Variants in MYO9B observed in about 807,000 individuals in gnomAD.
MYO9B encodes the protein unconventional myosin-IXb.
In MYO9B, 71 loss-of-function variants were observed where a neutral mutation model predicts 229.5. The ratio of observed to expected loss-of-function variants is 0.31; its 90% CI spans 0.26 to 0.38. The LOEUF is 0.38. MYO9B is among the 10% of genes least tolerant of loss of function. MYO9B has a pLI of 1.00. For synonymous variants in MYO9B, 1,185 were observed against 1,235.8 expected (o/e 0.96, Z 0.86); for missense variants, 2,255 against 2,920.5 (o/e 0.77, Z 5.25).
chr19:17,204,023 C>T (rs1444643192), intron 30 of MYO9B, among the ~76,000 whole-genome samples: 1 of 152,080 alleles, frequency 6.6e-6, no homozygotes, highest in Admixed American at 6.6e-5. Context: ...CCAGCAGGGT[C>T]AAGAGGGCCT....
At chr19:17,154,446 C>G (rs756243730) in intron 6 of MYO9B, 31 bp downstream of exon 6, 10 of 1,567,274 alleles carry the variant, frequency 6.4e-6, no homozygotes, top group Non-Finnish European at 8.7e-6. Context: ...GGCCTGTCCC[C>G]CAGAGCCTAC....
chr19:17,184,678 G>A, intron 16 of MYO9B, 187 bp from the exon 17 acceptor site: 1 of 669,314 alleles, frequency 1.5e-6, no homozygotes. Context: ...TGTGTGCAAG[G>A]TGCAAACCCA....
chr19:17,139,847 G>A (rs1202388824), intron 2 of MYO9B, among the ~76,000 whole-genome samples: 1 of 152,126 alleles, frequency 6.6e-6, no homozygotes, highest in Non-Finnish European at 1.5e-5. Context: ...TTCGAGACCA[G>A]CCTGACCAAC....
At chr19:17,091,451 A>G (rs1168235079) in intron 1 of MYO9B, among the ~76,000 whole-genome samples, 5 of 152,364 alleles carry the variant, frequency 3.3e-5, no homozygotes, top group Admixed American at 2.0e-4. Flanking sequence ...TCACACCTGT[A>G]ATCCCAGCAC....
intron 31 of MYO9B, 92 bp from the exon 32 acceptor site, chr19:17,205,868 C>T: frequency 1.6e-6 from 2 of 1,267,072 alleles, no homozygotes; most frequent in Non-Finnish European, 2.1e-6. Context: ...GCCCTGAGGG[C>T]CTTGTGCGGG....
intron 3 of MYO9B, among the ~76,000 whole-genome samples, chr19:17,152,010 A>T (rs924199765): frequency 1.3e-5 from 2 of 152,052 alleles, no homozygotes; most frequent in African/African-American, 4.8e-5. Context: ...CAACATGGAG[A>T]AACCCCGTCT....
chr19:17,130,822 C>T (rs2072187482), intron 2 of MYO9B, among the ~76,000 whole-genome samples: 1 of 151,972 alleles, frequency 6.6e-6, no homozygotes, highest in Non-Finnish European at 1.5e-5. Context: ...ACGTTCAACC[C>T]TGGATGTCTC....
In MYO9B at chr19:17,200,629, C is replaced by A. The variant is rs770859721; in HGVS notation, c.4373-10C>A. ...CCCACCCTCACCGGCTGCTTCCTGT[C>A]CCCCCTCAGCCCCCTCCGGACAGCA... is the stretch of plus-strand genomic sequence containing the variant. On this transcript the variant is annotated splice_polypyrimidine_tract_variant and intron_variant, in intron 25 of 39. Coordinates refer to ENST00000682292, the MANE Select transcript of MYO9B (RefSeq NM_004145.4). 4.4e-6 allele frequency: 7 copies of A among 1,606,342 alleles called. No homozygotes were observed. Among genetic ancestry groups the A allele is most frequent in the Non-Finnish European group, 6.0e-6 (7 of 1,176,090 alleles).
At position 17,167,551 on chromosome 19, in the gene MYO9B, C is replaced by G. The variant is rs2072674033; in HGVS notation, c.1672-392C>G. Among the ~76,000 whole-genome samples the G allele has an allele frequency of 2.7e-5, 4 of 147,746 alleles. No individual in the cohort carries two copies. The Admixed American group carries it at 2.8e-4, about 10-fold the overall frequency. On this transcript the variant is annotated intron_variant, in intron 10 of 39. Transcript: ENST00000682292. ...AGTAGGACTAATGGCGCAATCTTGG[C>G]TCACTGCAACCTCCACTTCCCGTGT...
chr19:17,147,510 C>T (rs111753064), intron 3 of MYO9B, among the ~76,000 whole-genome samples: 8,340 of 145,298 alleles, frequency 0.057, 360 homozygotes, highest in Middle Eastern at 0.16. Context: ...GGCCACTGCA[C>T]TCCAGCCTGG....
At chr19:17,144,294 A>G (rs2072379451) in intron 2 of MYO9B, among the ~76,000 whole-genome samples, 1 of 152,182 alleles carries the variant, frequency 6.6e-6, no homozygotes, top group Admixed American at 6.6e-5. Context: ...TTATGTCACA[A>G]TCTGGAAAAT....
chr19:17,209,356 C>T (rs1464648943), intron 35 of MYO9B, among the ~76,000 whole-genome samples: 2 of 152,232 alleles, frequency 1.3e-5, no homozygotes, highest in East Asian at 3.8e-4. Flanking sequence ...TCAGTTCACT[C>T]TGACCCTCCT....
chr19:17,191,163 A>C lies in MYO9B; in HGVS notation c.2755A>C (p.Thr919Pro). 1 of 1,612,002 alleles carries C rather than the reference A, an allele frequency of 6.2e-7. No homozygotes were observed. The highest frequency in any genetic ancestry group is 8.5e-7 in the Non-Finnish European group (1 of 1,179,008). Residue 919 changes from threonine (T) to proline (P), a missense_variant, in exon 20 of 40, where the codon ACC becomes CCC. Around this residue, in one of 7 missense-constraint regions of MYO9B, gnomAD observed 679 missense variants for 770.2 expected, o/e 0.88. Transcript: ENST00000682292. ...DAQPCREVISTLLEKMKIDKR... is the reference protein window; with the variant it reads ...DAQPCREVISPLLEKMKIDKR... Reference sequence around the variant, plus strand: ...CCAGCCCTGCAGGGAGGTCATCTCCACCCTCCTGGAGAAAATGAAGATAGA... The same window carrying C: ...CCAGCCCTGCAGGGAGGTCATCTCCCCCCTCCTGGAGAAAATGAAGATAGA...
intron 2 of MYO9B, among the ~76,000 whole-genome samples, chr19:17,126,989 T>C (rs1260472851): frequency 7.3e-6 from 1 of 136,208 alleles, no homozygotes; most frequent in African/African-American, 2.8e-5. Context: ...CACCCGATCT[T>C]TTGACATTTT....
At chr19:17,085,351 C>A (rs2057572249) in intron 1 of MYO9B, among the ~76,000 whole-genome samples, 11 of 152,060 alleles carry the variant, frequency 7.2e-5, no homozygotes, top group Admixed American at 7.2e-4. Context: ...ATTGGGAGAT[C>A]CTGGCAGGCA....
At chr19:17,126,092 A>C (rs1236360526) in intron 2 of MYO9B, among the ~76,000 whole-genome samples, 3 of 151,888 alleles carry the variant, frequency 2.0e-5, no homozygotes, top group African/African-American at 7.3e-5. Context: ...CATGGCCCCC[A>C]CTAACCTCCT....
chr19:17,126,327 C>T lies in MYO9B; in HGVS notation c.841-19070C>T, dbSNP rs147416346. 4.3e-4 allele frequency among the ~76,000 whole-genome samples: 65 copies of T among 152,296 alleles called. No homozygotes were observed. In the East Asian group the frequency reaches 9.3e-3, roughly 22 times the overall value. On this transcript the variant is annotated intron_variant, in intron 2 of 39. Transcript: ENST00000682292. Reference sequence around the variant, plus strand: ...CTCCTCCACGTCCCCACCATGGCCTCGGGAGACCAGTCACCCAGGGTGACA... The same window carrying T: ...CTCCTCCACGTCCCCACCATGGCCTTGGGAGACCAGTCACCCAGGGTGACA...
At chr19:17,141,230 C>T (rs1261940977) in intron 2 of MYO9B, among the ~76,000 whole-genome samples, 8 of 152,096 alleles carry the variant, frequency 5.3e-5, no homozygotes, top group Non-Finnish European at 8.8e-5. Context: ...CTCCGGTTTC[C>T]GCCTCCCTGG....
chr19:17,092,374 G>A (rs1194019534), intron 1 of MYO9B, among the ~76,000 whole-genome samples: 1 of 152,266 alleles, frequency 6.6e-6, no homozygotes, highest in Admixed American at 6.5e-5. Context: ...GTGTACGCAT[G>A]TATGTAGGCA....
Sources: gnomAD v4.1 joint callset for allele counts (sites outside exome capture counted in the v4.1 genomes callset) on GRCh38, gnomAD v4.1.1 for gene constraint, gnomAD v4.1.1 regional missense constraint, MANE v1.5 for transcripts, NCBI Gene and HGNC (gene_info 2026-07-23, HGNC 2026-07-21) for gene names.